XPO6: variants seen among roughly 807,000 people sequenced by gnomAD.
XPO6 encodes the protein exportin-6.
XPO6 carries 3 observed loss-of-function variants against 130.0 expected under a neutral mutation model. That is an observed-to-expected ratio of 0.02 (90% CI 0.01 to 0.06). The LOEUF is 0.06. Ranked by LOEUF, XPO6 falls within the 10% of genes least tolerant of loss-of-function variation. XPO6 has a pLI of 1.00. For missense variants in XPO6, 970 were observed against 1,393.0 expected (o/e 0.70, Z 4.83); for synonymous variants, 524 against 548.9 (o/e 0.95, Z 0.63).
intron 1 of XPO6, chr16:28,183,521 C>T (rs74014247): frequency 6.6e-6 from 1 of 151,354 alleles, no homozygotes; most frequent in Non-Finnish European, 1.5e-5. Context: ...CGGGGCATTA[C>T]CAGGTGTTTC....
rs201657764 is a variant in XPO6, at chr16:28,125,830, G to A, written c.1625C>T (p.Thr542Met). 1,772 of 1,613,906 alleles carry A rather than the reference G, an allele frequency of 1.1e-3. 3 individuals are homozygous for A. The highest frequency in any genetic ancestry group is 1.2e-3 in the Non-Finnish European group (1,453 of 1,180,002). ...TSGSGHRLNITAENDCRRLHC... is the reference protein window; with the variant it reads ...TSGSGHRLNIMAENDCRRLHC... ...CAGCCGCCGGCAGTCGTTCTCCGCC[G>A]TGATGTTCAACCTGTGTCCTGGAAC... is the stretch of plus-strand genomic sequence containing the variant. Residue 542 changes from threonine to methionine, a missense_variant, in exon 13 of 24, where the codon ACG becomes ATG. Coordinates refer to ENST00000304658, the MANE Select transcript of XPO6 (RefSeq NM_015171.4).
intron 1 of XPO6, among the ~76,000 whole-genome samples, chr16:28,201,357 CTTAA>C (rs2043950114): frequency 6.6e-6 from 1 of 152,150 alleles, no homozygotes; most frequent in Non-Finnish European, 1.5e-5. Flanking sequence ...ACACCTGACT[CTTAA>C]TTACTCATGT....
At chr16:28,122,653 A>C (rs76440874) in intron 13 of XPO6, among the ~76,000 whole-genome samples, 1 of 152,014 alleles carries the variant, frequency 6.6e-6, no homozygotes, top group South Asian at 2.1e-4. Flanking sequence ...TAAAAAAAAA[A>C]CTGCTCTTTT....
At position 28,132,504 on chromosome 16, in the gene XPO6, G is replaced by T; in HGVS notation, c.1537-101C>A. On this transcript the variant is annotated intron_variant, in intron 11 of 23. Transcript: ENST00000304658. This position sits in a 1 kb window ranked among gnomAD's most constrained non-coding sequence, Gnocchi z 4.0. ...CATTAACACGTAACTATGGTGTGAG[G>T]AACAGGATCAAAACCTTTTCTCTGG... 1.3e-6 allele frequency: 1 copy of T among 786,994 alleles called. No homozygotes were observed. The allele number at this position is 786,994 out of a possible 1,614,324, so 48.8% of individuals were successfully genotyped here.
chr16:28,183,380 C>A (rs1043726138), intron 1 of XPO6: 14 of 150,482 alleles, frequency 9.3e-5, no homozygotes, highest in African/African-American at 3.4e-4. Flanking sequence ...AGATCCAACT[C>A]CTTGTTCTAC....
chr16:28,111,121 G>A (rs529428781), intron 17 of XPO6: 1 of 152,252 alleles, frequency 6.6e-6, no homozygotes, highest in Non-Finnish European at 1.5e-5. Context: ...TAAAAGTAGT[G>A]TTTTTTAAAG....
In XPO6 at chr16:28,117,365, G is replaced by A. The variant is rs2087094243; in HGVS notation, c.1957C>T (p.Leu653Phe). The change falls in exon 15 of 24, where the codon CTC (leucine) becomes TTC (phenylalanine). Residue 653 changes from leucine to phenylalanine, a missense_variant. Around this residue, in one of 4 missense-constraint regions of XPO6, gnomAD observed 936 missense variants for 1,306.8 expected, o/e 0.72. Coordinates refer to ENST00000304658, the MANE Select transcript of XPO6 (RefSeq NM_015171.4). ...HRQNTQQFVT[L>F]ISTTMDAITP... The stretch of plus-strand genomic sequence containing the variant: ...ATTGCATCCATGGTAGTAGAGATGA[G>A]TGTCACGAACTGCTGCGTGTTCTGC... 1.2e-6 allele frequency: 2 copies of A among 1,614,222 alleles called. No homozygotes were observed. The highest frequency in any genetic ancestry group is 2.2e-5 in the East Asian group (1 of 44,888).
intron 1 of XPO6, among the ~76,000 whole-genome samples, chr16:28,208,202 G>A (rs2044064288): frequency 6.6e-6 from 1 of 152,198 alleles, no homozygotes; most frequent in African/African-American, 2.4e-5. Flanking sequence ...CATCAAAGAT[G>A]CTTAATAAGT....
chr16:28,134,551 C>T (rs1368122213), intron 10 of XPO6, among the ~76,000 whole-genome samples: 1 of 152,250 alleles, frequency 6.6e-6, no homozygotes, highest in Admixed American at 6.5e-5. Context: ...GCTTCAAACC[C>T]AGGCCATCTG....
intron 15 of XPO6, 102 bp from the exon 16 acceptor site, chr16:28,113,152 A>T: frequency 7.0e-7 from 1 of 1,428,640 alleles, no homozygotes; most frequent in Non-Finnish European, 9.4e-7. Flanking sequence ...TTGGTTTCCA[A>T]ATTACACCAC....
At chr16:28,107,709 CT>C (rs2086817456) in intron 17 of XPO6, 32 bp from the exon 18 acceptor site, 1 of 1,609,382 alleles carries the variant, frequency 6.2e-7, no homozygotes, top group Admixed American at 1.7e-5. Flanking sequence ...AGGTTATAAG[CT>C]GTCTGGGGAG....
intron 1 of XPO6, among the ~76,000 whole-genome samples, chr16:28,193,306 AG>A (rs1306596507): frequency 6.6e-6 from 1 of 152,088 alleles, no homozygotes; most frequent in Admixed American, 6.6e-5. Context: ...TGCATTACGC[AG>A]GAAGTGTGGG....
At chr16:28,156,593 C>A (rs10445001) in intron 6 of XPO6, 66 bp from the exon 7 acceptor site, 792,022 of 1,161,306 alleles carry the variant, frequency 0.68, 275,440 homozygotes, top group East Asian at 0.73. Flanking sequence ...TTAAGTAATT[C>A]TCCTTCAAAA....
chr16:28,167,179 A>G (rs1227628506), intron 5 of XPO6: 1 of 985,234 alleles, frequency 1.0e-6, no homozygotes, highest in African/African-American at 1.7e-5. Flanking sequence ...TTGACTATAT[A>G]CACCAAGCTC....
At chr16:28,098,876 A>G (rs962784783) in intron 23 of XPO6, among the ~76,000 whole-genome samples, 1 of 152,180 alleles carries the variant, frequency 6.6e-6, no homozygotes, top group African/African-American at 2.4e-5. Context: ...CACTGCTGCA[A>G]TCAACATACA....
intron 8 of XPO6, among the ~76,000 whole-genome samples, chr16:28,152,158 G>C (rs879913314): frequency 6.6e-6 from 1 of 152,172 alleles, no homozygotes; most frequent in Non-Finnish European, 1.5e-5. Context: ...AAGACTGCTT[G>C]TGAAGGTTGT....
intron 1 of XPO6, among the ~76,000 whole-genome samples, chr16:28,193,470 G>A (rs938175779): frequency 6.6e-6 from 1 of 152,118 alleles, no homozygotes; most frequent in Admixed American, 6.5e-5. Context: ...TCATGTGCCC[G>A]GGTTCCACTA....
rs1049976860 is a variant in XPO6 at position 28,132,559 on chromosome 16, A to AC, written c.1537-157dup. On this transcript the variant is annotated intron_variant, in intron 11 of 23. Transcript: ENST00000304658. The surrounding 1 kb of genome is among the most constrained non-coding windows in gnomAD (Gnocchi z 4.0). ...CTTTAAATGCAGCTAAAAAGCTATG[A>AC]CCCCCCTTCAGTGCCCCCCAACTAG... Among the ~76,000 whole-genome samples, 9 of 150,182 alleles carry AC rather than the reference A, an allele frequency of 6.0e-5. No individual in the cohort carries two copies. The highest frequency in any genetic ancestry group is 1.0e-4 in the Non-Finnish European group (7 of 67,560).
chr16:28,146,936 A>G (rs1021599230), intron 8 of XPO6, among the ~76,000 whole-genome samples: 8 of 152,254 alleles, frequency 5.3e-5, no homozygotes, highest in Admixed American at 2.0e-4. Context: ...TGCAAAGTCC[A>G]GGCAACACAA....
Sources: allele counts gnomAD v4.1 joint callset (sites outside exome capture counted in the v4.1 genomes callset), GRCh38; gene constraint gnomAD v4.1.1; regional missense constraint gnomAD v4.1.1; non-coding constraint Gnocchi (gnomAD v3.1); transcripts MANE v1.5; gene names NCBI Gene and HGNC (gene_info 2026-07-23, HGNC 2026-07-21).